The following GANC variants were observed in gnomAD, a reference collection of about 807,000 sequenced individuals.
The protein encoded by GANC is neutral alpha-glucosidase C.
Under a neutral mutation model 124.2 loss-of-function variants are expected in GANC, and 117 were observed. That is an observed-to-expected ratio of 0.94 (90% confidence interval 0.81 to 1.10). The LOEUF is 1.10. Among genes scored for constraint, GANC ranks in the 50% least tolerant of loss-of-function variants. The probability of loss-of-function intolerance (pLI) is 0.00; values close to 1 mark genes in which losing one functional copy is unlikely to be tolerated. For synonymous variants in GANC, 377 were observed against 376.8 expected (o/e 1.00, Z -0.01); for missense variants, 1,140 against 1,095.0 (o/e 1.04, Z -0.58).
chr15:42,313,280 A>G lies in GANC; in HGVS notation c.1057+2434A>G, dbSNP rs941242994. On this transcript the variant is annotated intron_variant, in intron 10 of 23. Transcript: ENST00000318010. The stretch of plus-strand genomic sequence containing the variant: ...GTTCAACTATATAAGAGCTAAAACC[A>G]TAAGACTCTCAGAAGAAAACAGGTA... Among the ~76,000 whole-genome samples, 7 of 22,958 alleles carry G rather than the reference A, an allele frequency of 3.0e-4. No individual in the cohort carries two copies. The Non-Finnish European group carries it at 0.028, about 90-fold the overall frequency. 15.1% of individuals were successfully genotyped at this position (22,958 alleles called of 152,430 possible). A position where few individuals can be genotyped will look rare whatever the true frequency, so the allele number is the denominator to read the frequency against.
At chr15:42,286,171 C>T (rs889681218) in intron 3 of GANC, among the ~76,000 whole-genome samples, 1 of 152,172 alleles carries the variant, frequency 6.6e-6, no homozygotes, top group African/African-American at 2.4e-5. Flanking sequence ...TTACTAATTC[C>T]TGAAGGCCCT....
intron 20 of GANC, 131 bp from the exon 21 acceptor site, chr15:42,347,971 GC>G: frequency 1.9e-6 from 1 of 538,004 alleles, no homozygotes; most frequent in Non-Finnish European, 3.2e-6. Context: ...CCATCTCTGT[GC>G]CCCAAAATTT....
At chr15:42,282,518 A>G (rs11070369) in intron 3 of GANC, among the ~76,000 whole-genome samples, 141,078 of 152,230 alleles carry the variant, frequency 0.93, 66,218 homozygotes, top group Non-Finnish European at 1. Context: ...GTCTAAGAGG[A>G]TCATATTCAG....
At chr15:42,274,539 G>C in intron 1 of GANC, 29 bp downstream of exon 1, 2 of 1,598,384 alleles carry the variant, frequency 1.3e-6, no homozygotes, top group South Asian at 1.1e-5. Context: ...TGTAGCGAGT[G>C]ACCCCAGGGT....
At position 42,339,922 on chromosome 15, in the gene GANC, C is replaced by T. The variant is rs774484588; in HGVS notation, c.2087+10C>T. ...CCCAACCTGTCATGAGGTAAAAAAG[C>T]TTCATCCATTCAGGGACCCCAGCAA... On this transcript the variant is annotated intron_variant, in intron 17 of 23. Coordinates refer to ENST00000318010, the MANE Select transcript of GANC (RefSeq NM_198141.3). The T allele has an allele frequency of 1.9e-6, 3 of 1,608,674 alleles. No individual in the cohort carries two copies. The highest frequency in any genetic ancestry group is 1.7e-5 in the Admixed American group (1 of 59,470).
rs1315209743 is a variant in GANC at position 42,306,626 on chromosome 15, T to G, written c.625+14T>G. Reference sequence around the variant, plus strand: ...TCAAAGCTAATGGTAAAATTGAAACTGGTATAGTATTAAAACAGATCATTC... The same window carrying G: ...TCAAAGCTAATGGTAAAATTGAAACGGGTATAGTATTAAAACAGATCATTC... On this transcript the variant is annotated intron_variant, in intron 7 of 23. Coordinates refer to ENST00000318010, the MANE Select transcript of GANC (RefSeq NM_198141.3). 6.4e-7 allele frequency: 1 copy of G among 1,553,900 alleles called. No individual in the cohort carries two copies. The highest frequency in any genetic ancestry group is 8.9e-7 in the Non-Finnish European group (1 of 1,126,738).
intron 6 of GANC, among the ~76,000 whole-genome samples, chr15:42,306,101 A>C (rs2051993076): frequency 6.7e-6 from 1 of 150,270 alleles, no homozygotes; most frequent in South Asian, 2.1e-4. Flanking sequence ...ATACTGGCTC[A>C]CTGCAACCTC....
At chr15:42,317,018 A>T (rs1261803294) in intron 10 of GANC, among the ~76,000 whole-genome samples, 4 of 152,214 alleles carry the variant, frequency 2.6e-5, no homozygotes, top group Non-Finnish European at 2.9e-5. Context: ...ATTGTCCATG[A>T]TCATCTCTAT....
At chr15:42,333,134 C>T (rs1194233357) in intron 15 of GANC, among the ~76,000 whole-genome samples, 4 of 151,170 alleles carry the variant, frequency 2.6e-5, no homozygotes, top group Non-Finnish European at 5.9e-5. Flanking sequence ...TTGAGACCAG[C>T]CTGGGCAACA....
chr15:42,345,251 T>G (rs1295163155), intron 19 of GANC, among the ~76,000 whole-genome samples: 1 of 150,022 alleles, frequency 6.7e-6, no homozygotes, highest in African/African-American at 2.5e-5. Context: ...TAATTCAAGT[T>G]TCCATTTTTT....
In GANC at chr15:42,326,505, C is replaced by T. The variant is rs946781620; in HGVS notation, c.1420+81C>T. On this transcript the variant is annotated intron_variant, in intron 12 of 23. Transcript: ENST00000318010. ...AGGCTGCGTGGTCATCATTCTGCTC[C>T]CTTGTAGATGTCTCTTGCTCCTCTA... 5.7e-5 allele frequency: 90 copies of T among 1,586,194 alleles called. No individual in the cohort carries two copies. The African/African-American group carries it at 1.0e-3, about 18-fold the overall frequency.
chr15:42,317,235 A>G (rs1053797655), intron 10 of GANC, among the ~76,000 whole-genome samples: 4 of 152,252 alleles, frequency 2.6e-5, no homozygotes, highest in Admixed American at 6.5e-5. Flanking sequence ...TTATTCAGCT[A>G]TAAAAAGAAA....
chr15:42,322,897 A>G (rs2052172544), intron 11 of GANC, among the ~76,000 whole-genome samples: 1 of 152,150 alleles, frequency 6.6e-6, no homozygotes. Context: ...CCCTATGTGT[A>G]TCATGTGAGT....
chr15:42,289,936 C>T (rs917590669), intron 4 of GANC, among the ~76,000 whole-genome samples: 9 of 152,144 alleles, frequency 5.9e-5, no homozygotes, highest in Non-Finnish European at 1.2e-4. Flanking sequence ...GGGACAACCA[C>T]GTGAAGACAT....
chr15:42,327,379 G>A lies in GANC; in HGVS notation c.1437G>A (p.Leu479=). 6.2e-7 allele frequency: 1 copy of A among 1,612,350 alleles called. No homozygotes were observed. Among genetic ancestry groups the A allele is most frequent in the Non-Finnish European group, 8.5e-7 (1 of 1,179,008 alleles). The part of the protein sequence containing the change: ...GVCWPGLSSY[L]DFTNPKVREW... ...CCTCCACAGGTCTCTCCTCTTACCT[G>A]GATTTCACCAATCCCAAGGTCAGAG... The change falls in exon 13 of 24, where the codon CTG becomes CTA. Residue 479 remains leucine (L), a synonymous_variant. Coordinates refer to ENST00000318010, the MANE Select transcript of GANC (RefSeq NM_198141.3).
chr15:42,310,710 G>T lies in GANC; in HGVS notation c.921G>T (p.Met307Ile). 4 of 1,612,486 alleles carry T rather than the reference G, an allele frequency of 2.5e-6. No individual in the cohort carries two copies. The highest frequency in any genetic ancestry group is 3.4e-6 in the Non-Finnish European group (4 of 1,178,584). ...EPAVEYTLTQMGPVAAKQKVR... is the reference protein window; with the variant it reads ...EPAVEYTLTQIGPVAAKQKVR... ...TTTTCCAGTACACACTGACCCAGAT[G>T]GGCCCAGTTGCTGCTAAACAAAAGG... is the stretch of plus-strand genomic sequence containing the variant. The change falls in exon 10 of 24, where the codon ATG becomes ATT. Residue 307 changes from methionine to isoleucine, a missense_variant. By Grantham distance (10) the Met-to-Ile change is conservative. Coordinates refer to ENST00000318010, the MANE Select transcript of GANC (RefSeq NM_198141.3).
At chr15:42,300,831 C>G (rs2051938241) in intron 6 of GANC, among the ~76,000 whole-genome samples, 1 of 151,908 alleles carries the variant, frequency 6.6e-6, no homozygotes, top group Admixed American at 6.6e-5. Flanking sequence ...CCTGCCTGAC[C>G]AACATGGAGA....
intron 3 of GANC, among the ~76,000 whole-genome samples, chr15:42,287,419 T>G (rs1286135691): frequency 6.6e-6 from 1 of 152,226 alleles, no homozygotes. Context: ...TAATTATTAA[T>G]AGAGACTTCT....
At chr15:42,313,805 C>CG in intron 10 of GANC, 1 of 483,940 alleles carries the variant, frequency 2.1e-6, no homozygotes, top group Non-Finnish European at 3.7e-6. Flanking sequence ...CAGTGGCTCA[C>CG]GCCTGTAATC....
Sources: allele counts gnomAD v4.1 joint callset (sites outside exome capture counted in the v4.1 genomes callset), GRCh38; gene constraint gnomAD v4.1.1; transcripts MANE v1.5; gene names NCBI Gene and HGNC (gene_info 2026-07-23, HGNC 2026-07-21).